The following IBTK variants were observed in gnomAD, a reference collection of about 807,000 sequenced individuals.
IBTK encodes inhibitor of Bruton tyrosine kinase.
Under a neutral mutation model 154.9 loss-of-function variants are expected in IBTK, and 83 were observed. The ratio of observed to expected loss-of-function variants is 0.54; its 90% CI spans 0.45 to 0.64. IBTK has a LOEUF of 0.64. Ranked by LOEUF, IBTK falls within the 30% of genes least tolerant of loss-of-function variation. The pLI is 0.00. For synonymous variants in IBTK, 515 were observed against 536.1 expected (o/e 0.96, Z 0.54); for missense variants, 1,332 against 1,584.6 (o/e 0.84, Z 2.71).
At chr6:82,223,747 C>T (rs1222874345) in intron 7 of IBTK, 127 bp from the exon 8 acceptor site, 1 of 726,342 alleles carries the variant, frequency 1.4e-6, no homozygotes, top group Admixed American at 2.9e-5. Context: ...TCCCTTGAGC[C>T]CTGGAGCTCG....
At chr6:82,189,614 T>TA (rs985350845) in intron 25 of IBTK, among the ~76,000 whole-genome samples, 39 of 152,124 alleles carry the variant, frequency 2.6e-4, no homozygotes, top group African/African-American at 8.7e-4. Flanking sequence ...AGACAACAGT[T>TA]AAAGAAAATC....
intron 6 of IBTK, among the ~76,000 whole-genome samples, chr6:82,224,437 A>G (rs1472249416): frequency 6.6e-5 from 10 of 152,248 alleles, no homozygotes; most frequent in Admixed American, 6.5e-5. Context: ...TGGTGTAAGA[A>G]TCAAATTATT....
At chr6:82,177,044 T>G (rs920459938) in intron 26 of IBTK, among the ~76,000 whole-genome samples, 3 of 152,234 alleles carry the variant, frequency 2.0e-5, no homozygotes, top group African/African-American at 7.2e-5. Flanking sequence ...AAAGTGCTTA[T>G]GAACTGACCC....
At position 82,200,682 on chromosome 6, in the gene IBTK, A is replaced by G; in HGVS notation, c.2817T>C (p.Ile939=). ...KMIPAMDRRV[I]TPYQDGPDIS... is the part of the protein sequence containing the mutation. ...TATCTGGTCCATCTTGATATGGTGT[A>G]ATGACTCTTCTATCCATTGCTGGAA... The change falls in exon 20 of 29, where the codon ATT becomes ATC. Residue 939 remains isoleucine (I), a synonymous_variant. Coordinates refer to ENST00000306270, the MANE Select transcript of IBTK (RefSeq NM_015525.4). 3 of 1,592,220 alleles carry G rather than the reference A, an allele frequency of 1.9e-6. No homozygotes were observed. The highest frequency in any genetic ancestry group is 2.6e-6 in the Non-Finnish European group (3 of 1,173,034).
chr6:82,216,148 T>C lies in IBTK; in HGVS notation c.1529A>G (p.His510Arg). ...RIRLEKLTFAHRAVSVSTDPS... is the reference protein window; with the variant it reads ...RIRLEKLTFARRAVSVSTDPS... The stretch of plus-strand genomic sequence containing the variant: ...ATCTGTGCTGACACTAACAGCTCTA[T>C]GTGCAAAGGTAAGTTTCTCAAGTCG... The change falls in exon 11 of 29, where the codon CAT becomes CGT. Residue 510 changes from histidine (H) to arginine (R), a missense_variant. Transcript: ENST00000306270. The C allele has an allele frequency of 6.2e-7, 1 of 1,613,776 alleles. No individual in the cohort carries two copies. Among genetic ancestry groups the C allele is most frequent in the Non-Finnish European group, 8.5e-7 (1 of 1,179,804 alleles).
chr6:82,183,675 A>T (rs1347442390), intron 25 of IBTK, among the ~76,000 whole-genome samples: 17 of 152,062 alleles, frequency 1.1e-4, no homozygotes, highest in Admixed American at 8.5e-4. Flanking sequence ...GCATTCTTTT[A>T]AAAAAAATAG....
At position 82,202,523 on chromosome 6, in the gene IBTK, C is replaced by T. The variant is rs751673820; in HGVS notation, c.2729+5G>A. 6.3e-5 allele frequency: 94 copies of T among 1,499,430 alleles called. No individual in the cohort carries two copies. Among genetic ancestry groups the T allele is most frequent in the Non-Finnish European group, 1.9e-6 (2 of 1,078,586 alleles). The allele number at this position is 1,499,430 out of a possible 1,614,324, so 92.9% of individuals were successfully genotyped here. A position where few individuals can be genotyped will look rare whatever the true frequency, so the allele number is the denominator to read the frequency against. On this transcript the variant is annotated splice_donor_5th_base_variant and intron_variant, in intron 18 of 28. Transcript: ENST00000306270. ...ACAATCTTACAACATATGCACCTCA[C>T]CTACCTTGCTTCAAGTAAAGCTGCC...
At chr6:82,236,234 AAACTT>A (rs1377236580) in intron 2 of IBTK, among the ~76,000 whole-genome samples, 2 of 152,188 alleles carry the variant, frequency 1.3e-5, no homozygotes, top group Non-Finnish European at 2.9e-5. Context: ...AGTAGAATAA[AAACTT>A]AAACAAAGAA....
chr6:82,224,024 G>A (rs765353664), intron 7 of IBTK, 44 bp downstream of exon 7: 1 of 1,001,554 alleles, frequency 1.0e-6, no homozygotes, highest in South Asian at 1.4e-5. Context: ...ATTTTTTAAA[G>A]AGTCCAATTT....
rs183215339 is a variant in IBTK at position 82,209,552 on chromosome 6, G to A, written c.2509+1262C>T. Among the ~76,000 whole-genome samples the A allele has an allele frequency of 4.9e-4, 74 of 152,202 alleles. 1 individual carries two copies. The highest frequency in any genetic ancestry group is 1.7e-3 in the African/African-American group (69 of 41,532). On this transcript the variant is annotated intron_variant, in intron 16 of 28. Coordinates refer to ENST00000306270, the MANE Select transcript of IBTK (RefSeq NM_015525.4). ...AGAAAACATAATAGGGGTTTTCCAC[G>A]GACTGGGGATAAGAGAGAGTGGGAA...
chr6:82,217,988 T>G lies in IBTK; in HGVS notation c.1398A>C (p.Glu466Asp). 1 of 1,605,910 alleles carries G rather than the reference T, an allele frequency of 6.2e-7. No homozygotes were observed. The highest frequency in any genetic ancestry group is 8.5e-7 in the Non-Finnish European group (1 of 1,177,150). ...TCTTTTCAGAACTCTTTCTTTTCTC[T>G]TCAAACCATCTCCCTCTAAATCCTT... Reference protein sequence around the residue: ...DGEGFRGRWFEEKRKSSEKKE... With the variant: ...DGEGFRGRWFDEKRKSSEKKE... Residue 466 changes from glutamate (E) to aspartate (D), a missense_variant, in exon 10 of 29, where the codon GAA (glutamate) becomes GAC (aspartate). This residue lies in a region of IBTK where 1,134 missense variants were observed against 1,274.7 expected (regional missense o/e 0.89). Coordinates refer to ENST00000306270, the MANE Select transcript of IBTK (RefSeq NM_015525.4).
intron 27 of IBTK, 86 bp downstream of exon 27, chr6:82,173,281 C>T (rs1342069439): frequency 4.3e-6 from 4 of 926,010 alleles, no homozygotes; most frequent in Non-Finnish European, 6.9e-6. Flanking sequence ...GGATTATAGG[C>T]ATGAGCCACT....
intron 26 of IBTK, among the ~76,000 whole-genome samples, chr6:82,177,064 CCTT>C (rs2127797212): frequency 1.3e-5 from 2 of 152,154 alleles, no homozygotes; most frequent in South Asian, 4.2e-4. Flanking sequence ...CAGCTCAAGC[CCTT>C]CTTCTGCAAT....
chr6:82,222,755 C>T (rs1770143412), intron 8 of IBTK, among the ~76,000 whole-genome samples: 1 of 152,002 alleles, frequency 6.6e-6, no homozygotes, highest in South Asian at 2.1e-4. Context: ...CCAGTTGGTG[C>T]ACCCACCCAT....
At chr6:82,179,357 G>A (rs1406816756) in intron 26 of IBTK, among the ~76,000 whole-genome samples, 2 of 152,140 alleles carry the variant, frequency 1.3e-5, no homozygotes, top group Non-Finnish European at 2.9e-5. Flanking sequence ...AAAACATTAA[G>A]TTTAGTTTTG....
In IBTK at chr6:82,216,250, T is replaced by G. The variant is rs143498384; in HGVS notation, c.1427A>C (p.Glu476Ala). Residue 476 changes from glutamate to alanine, a missense_variant and splice_region_variant, in exon 11 of 29, where the codon GAG (glutamate) becomes GCG (alanine). This residue lies in a region of IBTK where 1,134 missense variants were observed against 1,274.7 expected (regional missense o/e 0.89). Transcript: ENST00000306270. ...EEKRKSSEKK[E>A]ILSNLHNSSS... ...GGAATTGTGAAGGTTTGATAAAATC[T>G]CTGTTAAAAAAAAATAAACTACCAT... 1,460 of 1,562,770 alleles carry G rather than the reference T, an allele frequency of 9.3e-4. 11 individuals carry two copies. Among genetic ancestry groups the G allele is most frequent in the Middle Eastern group, 8.1e-3 (47 of 5,798 alleles).
At chr6:82,187,616 C>T (rs1413618430) in intron 25 of IBTK, among the ~76,000 whole-genome samples, 2 of 138,576 alleles carry the variant, frequency 1.4e-5, no homozygotes, top group Non-Finnish European at 3.3e-5. Context: ...GCCGAGTGGA[C>T]AAAAAGAAAT....
Position 82,171,444 on chromosome 6 carries a change from C to T in IBTK, c.4043G>A (p.Trp1348Ter). The part of the protein sequence containing the change: ...TPQGPLAVPM[W>*]NKHGC ...AGTGAACTAGCATCCATGCTTATTC[C>T]ACATAGGTACTGCCAGTGGTCCCTG... The change falls in exon 29 of 29, where the codon TGG (tryptophan) becomes TAG (stop). Residue 1348 changes from tryptophan (W) to a stop codon, truncating the protein, a stop_gained. Transcript: ENST00000306270. LOFTEE classifies it high-confidence loss of function. The T allele has an allele frequency of 1.2e-6, 2 of 1,612,908 alleles. No homozygotes were observed. Among genetic ancestry groups the T allele is most frequent in the Non-Finnish European group, 1.7e-6 (2 of 1,179,546 alleles).
intron 4 of IBTK, among the ~76,000 whole-genome samples, chr6:82,229,958 C>T (rs1051578266): frequency 6.6e-6 from 1 of 152,054 alleles, no homozygotes; most frequent in Admixed American, 6.6e-5. Context: ...TAGGTTGTGA[C>T]TTTTAGTTTA....
Sources: gnomAD v4.1 joint callset for allele counts (sites outside exome capture counted in the v4.1 genomes callset) on GRCh38, gnomAD v4.1.1 for gene constraint, gnomAD v4.1.1 regional missense constraint, MANE v1.5 for transcripts, NCBI Gene and HGNC (gene_info 2026-07-23, HGNC 2026-07-21) for gene names.